The following BCAS3 variants were observed in gnomAD, a reference collection of about 807,000 sequenced individuals.
BCAS3 encodes the protein BCAS3 microtubule associated cell migration factor.
In BCAS3, 53 loss-of-function variants were observed where a neutral mutation model predicts 116.1. The observed-to-expected ratio is 0.46, with a 90% CI of 0.37 to 0.57. The LOEUF (loss-of-function observed/expected upper bound fraction) is 0.57, where lower values mean the gene tolerates loss of function less well. BCAS3 is among the 20% of genes least tolerant of loss of function. The pLI is 0.00. For synonymous variants in BCAS3, 391 were observed against 408.2 expected (o/e 0.96, Z 0.51); for missense variants, 917 against 1,165.4 (o/e 0.79, Z 3.10).
intron 22 of BCAS3, among the ~76,000 whole-genome samples, chr17:61,328,990 G>A (rs1234755247): frequency 2.0e-5 from 3 of 150,896 alleles, no homozygotes; most frequent in Non-Finnish European, 3.0e-5. Flanking sequence ...CGCCTCCTGG[G>A]TTCAAGCAAT....
chr17:61,287,459 CTCACACCTCTAA>C (rs1434138563), intron 22 of BCAS3, among the ~76,000 whole-genome samples: 2 of 152,114 alleles, frequency 1.3e-5, no homozygotes, highest in African/African-American at 4.8e-5. Context: ...GGCGTGGTGG[CTCACACCTCTAA>C]TCCCAGCACT....
chr17:61,159,073 TAG>T (rs1343723950), intron 22 of BCAS3, among the ~76,000 whole-genome samples: 1 of 152,226 alleles, frequency 6.6e-6, no homozygotes, highest in African/African-American at 2.4e-5. Flanking sequence ...AGTGTGAGAA[TAG>T]AGTTATAGTC....
intron 19 of BCAS3, chr17:61,070,360 A>G (rs1376599455): frequency 5.0e-6 from 2 of 399,482 alleles, no homozygotes; most frequent in Non-Finnish European, 9.7e-6. Flanking sequence ...CAGCTGCCTA[A>G]TTCTGAATAT....
At chr17:60,846,971 C>G (rs2052594849) in intron 7 of BCAS3, among the ~76,000 whole-genome samples, 1 of 152,168 alleles carries the variant, frequency 6.6e-6, no homozygotes, top group Admixed American at 6.5e-5. Flanking sequence ...AACAGTCCCT[C>G]CCCGTTTCCT....
At chr17:60,921,812 TTAAA>T (rs1248224255) in intron 12 of BCAS3, among the ~76,000 whole-genome samples, 1 of 150,354 alleles carries the variant, frequency 6.7e-6, no homozygotes, top group Non-Finnish European at 1.5e-5. Context: ...AAAGTTGAAA[TTAAA>T]AAAAAAACAT....
chr17:60,710,725 C>CT (rs2144019898), intron 5 of BCAS3, among the ~76,000 whole-genome samples: 1 of 151,314 alleles, frequency 6.6e-6, no homozygotes, highest in East Asian at 1.9e-4. Context: ...GCCACCATGC[C>CT]TGGCCAACAT....
chr17:61,084,688 T>A lies in BCAS3; in HGVS notation c.2425+124T>A. ...CTGTTTTTTTGTTTTGTGGTGTGTG[T>A]GCATTTTAATACAGTACTGTGCCTA... On this transcript the variant is annotated intron_variant, in intron 22 of 23. Coordinates refer to ENST00000407086, the MANE Select transcript of BCAS3 (RefSeq NM_017679.5). The surrounding 1 kb of genome is among the most constrained non-coding windows in gnomAD (Gnocchi z 5.5). The A allele has an allele frequency of 1.3e-6, 1 of 789,948 alleles. No individual in the cohort carries two copies. The highest frequency in any genetic ancestry group is 2.1e-6 in the Non-Finnish European group (1 of 469,584). 48.9% of individuals were successfully genotyped at this position (789,948 alleles called of 1,614,324 possible). A position where few individuals can be genotyped will look rare whatever the true frequency, so the allele number is the denominator to read the frequency against.
In BCAS3 at chr17:60,964,328, A is replaced by G. The variant is rs1421990000; in HGVS notation, c.1221+16976A>G. On this transcript the variant is annotated intron_variant, in intron 14 of 23. Coordinates refer to ENST00000407086, the MANE Select transcript of BCAS3 (RefSeq NM_017679.5). This position sits in a 1 kb window ranked among gnomAD's most constrained non-coding sequence, Gnocchi z 4.6. ...TTGTTTTTGATTCTGTTAATATGATATATCATGTTTATTGAGTTGCTTATG... is the reference window on the plus strand; with the variant it reads ...TTGTTTTTGATTCTGTTAATATGATGTATCATGTTTATTGAGTTGCTTATG... Among the ~76,000 whole-genome samples the G allele has an allele frequency of 6.6e-6, 1 of 152,128 alleles. No homozygotes were observed. Among genetic ancestry groups the G allele is most frequent in the Non-Finnish European group, 1.5e-5 (1 of 68,020 alleles).
intron 6 of BCAS3, among the ~76,000 whole-genome samples, chr17:60,757,943 G>A (rs2043159397): frequency 6.6e-6 from 1 of 151,964 alleles, no homozygotes; most frequent in Non-Finnish European, 1.5e-5. Flanking sequence ...TTGTATATGG[G>A]GAGAGATAGG....
intron 4 of BCAS3, among the ~76,000 whole-genome samples, chr17:60,701,192 C>T (rs1210844491): frequency 6.6e-6 from 1 of 150,654 alleles, no homozygotes; most frequent in Admixed American, 6.6e-5. Flanking sequence ...TGCAGTGAGC[C>T]GAGATCACAC....
chr17:60,987,061 T>C (rs979552983), intron 14 of BCAS3: 2 of 152,156 alleles, frequency 1.3e-5, no homozygotes, highest in South Asian at 4.1e-4. Flanking sequence ...TATATCCAGT[T>C]TTCCCAGCAC....
chr17:60,878,153 G>A (rs1890735100), intron 9 of BCAS3, among the ~76,000 whole-genome samples: 1 of 151,876 alleles, frequency 6.6e-6, no homozygotes, highest in South Asian at 2.1e-4. Context: ...GGGACTACAG[G>A]CAGGCACCAC....
intron 22 of BCAS3, among the ~76,000 whole-genome samples, chr17:61,269,020 G>A (rs1291640037): frequency 6.6e-6 from 1 of 151,794 alleles, no homozygotes; most frequent in Non-Finnish European, 1.5e-5. Context: ...TTATCCATCA[G>A]TGGACATTTA....
chr17:60,916,551 A>G (rs1021077969), intron 12 of BCAS3, among the ~76,000 whole-genome samples: 14 of 152,232 alleles, frequency 9.2e-5, no homozygotes, highest in African/African-American at 3.4e-4. Flanking sequence ...GTGGGTAAAA[A>G]TAAAGGTATA....
At chr17:60,707,991 A>G (rs944667985) in intron 4 of BCAS3, among the ~76,000 whole-genome samples, 1 of 152,060 alleles carries the variant, frequency 6.6e-6, no homozygotes, top group Admixed American at 6.6e-5. Context: ...GTTGCCTCAG[A>G]ACGATTTGGT....
rs763393234 is a variant in BCAS3, at chr17:61,220,022, G to A, written c.2425+135458G>A. Among the ~76,000 whole-genome samples, 11 of 152,170 alleles carry A rather than the reference G, an allele frequency of 7.2e-5. No individual in the cohort carries two copies. The highest frequency in any genetic ancestry group is 2.2e-4 in the African/African-American group (9 of 41,450). On this transcript the variant is annotated intron_variant, in intron 22 of 23. Transcript: ENST00000407086. This position sits in a 1 kb window ranked among gnomAD's most constrained non-coding sequence, Gnocchi z 4.5. ...TTAAAACTAAAGTTTTCGGCCGGGC[G>A]CGGTGGCTCACGCCTGTAATCCCAG...
intron 22 of BCAS3, among the ~76,000 whole-genome samples, chr17:61,350,428 A>ATAAT (rs2057764423): frequency 6.7e-6 from 1 of 150,008 alleles, no homozygotes; most frequent in Non-Finnish European, 1.5e-5. Context: ...AAATAAATAA[A>ATAAT]TAAATAAATA....
intron 6 of BCAS3, among the ~76,000 whole-genome samples, chr17:60,749,281 G>T (rs578231807): frequency 6.6e-6 from 1 of 152,218 alleles, no homozygotes; most frequent in Non-Finnish European, 1.5e-5. Flanking sequence ...TGTTACTTCA[G>T]AATTTCGAAG....
chr17:60,924,749 T>C (rs918500107), intron 13 of BCAS3, among the ~76,000 whole-genome samples: 2 of 152,076 alleles, frequency 1.3e-5, no homozygotes, highest in Non-Finnish European at 2.9e-5. Context: ...AACAATGCTG[T>C]TGAGTTACAT....
Sources: gnomAD v4.1 joint callset for allele counts (sites outside exome capture counted in the v4.1 genomes callset) on GRCh38, gnomAD v4.1.1 for gene constraint, Gnocchi (gnomAD v3.1) non-coding constraint, MANE v1.5 for transcripts, NCBI Gene and HGNC (gene_info 2026-07-23, HGNC 2026-07-21) for gene names.